The following ITGAL variants were observed in gnomAD, a reference collection of about 807,000 sequenced individuals.
ITGAL encodes the protein integrin alpha-L.
A neutral mutation model predicts 138.4 loss-of-function variants in ITGAL; 68 were observed. The ratio of observed to expected loss-of-function variants is 0.49; its 90% CI spans 0.40 to 0.60. The LOEUF (loss-of-function observed/expected upper bound fraction) is 0.60, where lower values mean the gene tolerates loss of function less well. Ranked by LOEUF, ITGAL falls within the 20% of genes least tolerant of loss-of-function variation. The pLI is 0.00. For synonymous variants in ITGAL, 561 were observed against 584.3 expected, an observed-to-expected ratio of 0.96 and a Z score of 0.57; for missense variants, 1,256 against 1,478.6, an observed-to-expected ratio of 0.85 and a Z score of 2.47.
chr16:30,482,363 G>A (rs866793263), intron 7 of ITGAL, among the ~76,000 whole-genome samples: 3 of 152,322 alleles, frequency 2.0e-5, no homozygotes, highest in Non-Finnish European at 4.4e-5. Context: ...AATAGTAGGT[G>A]ATGAGGTCAG....
At chr16:30,501,004 C>CAA (rs753921620) in intron 17 of ITGAL, among the ~76,000 whole-genome samples, 1 of 134,334 alleles carries the variant, frequency 7.4e-6, no homozygotes, top group African/African-American at 2.7e-5. Flanking sequence ...AACTCCATCT[C>CAA]AAAAAAAAAA....
rs2050594391 is a variant in ITGAL at position 30,483,855 on chromosome 16, G to A, written c.751G>A (p.Ala251Thr). 3 of 1,613,960 alleles carry A rather than the reference G, an allele frequency of 1.9e-6. No individual in the cohort carries two copies. Among genetic ancestry groups the A allele is most frequent in the East Asian group, 2.2e-5 (1 of 44,878 alleles). The change falls in exon 8 of 31, where the codon GCC becomes ACC. Residue 251 changes from alanine (A) to threonine (T), a missense_variant. Ala to Thr is a moderately conservative substitution (Grantham distance 58, BLOSUM62 0). Around this residue, in one of 3 missense-constraint regions of ITGAL, gnomAD observed 177 missense variants for 288.8 expected, o/e 0.61. Coordinates refer to ENST00000356798, the MANE Select transcript of ITGAL (RefSeq NM_002209.3). ...ATEVFREELG[A>T]RPDATKVLII... is the part of the protein sequence containing the mutation. ...AGAGGTGTTCCGGGAGGAGCTGGGG[G>A]CCCGGCCAGATGCCACCAAAGTGCT... is the stretch of plus-strand genomic sequence containing the variant.
chr16:30,477,070 T>C (rs2050482260), intron 4 of ITGAL: 1 of 152,234 alleles, frequency 6.6e-6, no homozygotes, highest in South Asian at 2.1e-4. Flanking sequence ...AGAGTCAGGA[T>C]TTGAATAAAA....
In ITGAL at chr16:30,499,375, G is replaced by A. The variant is rs1182134986; in HGVS notation, c.2031G>A (p.Leu677=). The A allele has an allele frequency of 1.2e-6, 2 of 1,613,984 alleles. No individual in the cohort carries two copies. The highest frequency in any genetic ancestry group is 1.7e-5 in the Admixed American group (1 of 59,938). ...LVANLTYTLQ[L]DGHRTRRRGL... ...CCAATCTCACTTACACTCTGCAGCTGGATGGCCACCGGACCAGAAGACGGG... is the reference window on the plus strand; with the variant it reads ...CCAATCTCACTTACACTCTGCAGCTAGATGGCCACCGGACCAGAAGACGGG... The change falls in exon 17 of 31, where the codon CTG becomes CTA. Residue 677 remains leucine (L), a synonymous_variant. Transcript: ENST00000356798.
intron 6 of ITGAL, chr16:30,481,099 C>T (rs1387988987): frequency 4.0e-6 from 1 of 247,380 alleles, no homozygotes; most frequent in East Asian, 1.4e-4. Context: ...GTGAGGAGTT[C>T]GAGACCAGCC....
chr16:30,506,263 A>AT (rs2050993728), intron 20 of ITGAL, among the ~76,000 whole-genome samples: 1 of 17,400 alleles, frequency 5.7e-5, no homozygotes, highest in South Asian at 4.8e-3. Context: ...CTGTCTCAAT[A>AT]AAAAAAAAAA....
chr16:30,514,299 C>T (rs1271998160), intron 25 of ITGAL, among the ~76,000 whole-genome samples: 4 of 141,390 alleles, frequency 2.8e-5, no homozygotes, highest in East Asian at 2.1e-4. Context: ...TTTTTTGAGA[C>T]GGAGTCTCAC....
At chr16:30,489,554 T>G (rs2050695281) in intron 11 of ITGAL, among the ~76,000 whole-genome samples, 168 bp downstream of exon 11, 1 of 152,186 alleles carries the variant, frequency 6.6e-6, no homozygotes, top group Non-Finnish European at 1.5e-5. Context: ...TTTCTGATGC[T>G]TTGACATCTT....
chr16:30,499,719 A>ATATGTGTATATATATATATGTGTG (rs1567478430), intron 17 of ITGAL, among the ~76,000 whole-genome samples: 1 of 105,950 alleles, frequency 9.4e-6, no homozygotes, highest in East Asian at 2.7e-4. Flanking sequence ...ATATGTATAT[A>ATATGTGTATATATATATATGTGTG]TATATATATA....
At position 30,475,374 on chromosome 16, in the gene ITGAL, G is replaced by A; in HGVS notation, c.233G>A (p.Gly78Glu). Residue 78 changes from glycine to glutamate, a missense_variant, in exon 3 of 31, where the codon GGA becomes GAA. Transcript: ENST00000356798. ...GSLYQCQSGT[G>E]HCLPVTLRGS... ...CTCTATCAGTGCCAGTCGGGCACAGGACACTGCCTGCCAGTCACCCTGAGA... is the reference window on the plus strand; with the variant it reads ...CTCTATCAGTGCCAGTCGGGCACAGAACACTGCCTGCCAGTCACCCTGAGA... 5 of 1,613,956 alleles carry A rather than the reference G, an allele frequency of 3.1e-6. No homozygotes were observed. Among genetic ancestry groups the A allele is most frequent in the East Asian group, 2.2e-5 (1 of 44,880 alleles).
chr16:30,516,825 G>T, intron 25 of ITGAL, 148 bp from the exon 26 acceptor site: 1 of 687,780 alleles, frequency 1.5e-6, no homozygotes, highest in East Asian at 2.6e-5. Context: ...AGCTGGCCAT[G>T]CCCAGTCACT....
At chr16:30,478,647 G>A (rs569674052) in intron 4 of ITGAL, among the ~76,000 whole-genome samples, 2 of 143,540 alleles carry the variant, frequency 1.4e-5, no homozygotes, top group East Asian at 2.1e-4. Flanking sequence ...GCAGTGAGCC[G>A]AGATCATGCC....
chr16:30,481,531 T>A lies in ITGAL; in HGVS notation c.669T>A (p.His223Gln). 2.5e-6 allele frequency: 4 copies of A among 1,613,668 alleles called. No individual in the cohort carries two copies. The highest frequency in any genetic ancestry group is 3.4e-6 in the Non-Finnish European group (4 of 1,179,780). The change falls in exon 7 of 31, where the codon CAT becomes CAA. Residue 223 changes from histidine to glutamine, a missense_variant. Around this residue, in one of 3 missense-constraint regions of ITGAL, gnomAD observed 177 missense variants for 288.8 expected, o/e 0.61. Transcript: ENST00000356798. ...KRKDPDALLK[H>Q]VKHMLLLTNT... ...AGGACCCTGATGCTCTGCTGAAGCA[T>A]GTAAAGCACATGTTGCTGTTGACCA...
intron 1 of ITGAL, among the ~76,000 whole-genome samples, chr16:30,473,668 C>T (rs1328174694): frequency 1.3e-5 from 2 of 152,126 alleles, no homozygotes; most frequent in African/African-American, 4.8e-5. Flanking sequence ...TGTGCCAGGG[C>T]GCCTGGGCAG....
At chr16:30,475,246 G>T in intron 2 of ITGAL, 60 bp from the exon 3 acceptor site, 1 of 1,166,276 alleles carries the variant, frequency 8.6e-7, no homozygotes, top group Non-Finnish European at 1.3e-6. Flanking sequence ...TCCTTAGCAG[G>T]CAGGAGTAGA....
chr16:30,481,366 A>T (rs2050557988), intron 6 of ITGAL, 73 bp from the exon 7 acceptor site: 2 of 963,442 alleles, frequency 2.1e-6, no homozygotes, highest in Non-Finnish European at 3.0e-6. Flanking sequence ...AAAAAAAAAA[A>T]AGAAGTAGAG....
At chr16:30,473,924 C>A in intron 1 of ITGAL, 1 of 595,214 alleles carries the variant, frequency 1.7e-6, no homozygotes, top group East Asian at 3.6e-5. Flanking sequence ...GTCTGCTCCT[C>A]TCTCTGGAGC....
At position 30,489,158 on chromosome 16, in the gene ITGAL, G is replaced by A; in HGVS notation, c.1080+3G>A. 3 of 1,614,046 alleles carry A rather than the reference G, an allele frequency of 1.9e-6. No individual in the cohort carries two copies. The South Asian group carries it at 3.3e-5, about 18-fold the overall frequency. ...GCATCAGTGCTGACCTCAGCAGGGT[G>A]CGTGCTGGGCTGGAGCAATGGGCTG... On this transcript the variant is annotated splice_donor_region_variant and intron_variant, in intron 10 of 30. Transcript: ENST00000356798.
intron 17 of ITGAL, 36 bp from the exon 18 acceptor site, chr16:30,504,139 G>A (rs2050947848): frequency 3.3e-6 from 5 of 1,501,892 alleles, no homozygotes; most frequent in Admixed American, 3.4e-5. Context: ...GTAAAAGTTA[G>A]ATTCATGACA....
Sources: gnomAD v4.1 joint callset for allele counts (sites outside exome capture counted in the v4.1 genomes callset) on GRCh38, gnomAD v4.1.1 for gene constraint, gnomAD v4.1.1 regional missense constraint, MANE v1.5 for transcripts, NCBI Gene and HGNC (gene_info 2026-07-23, HGNC 2026-07-21) for gene names.